NRG1: variants seen among roughly 807,000 people sequenced by gnomAD.
NRG1 encodes the protein neuregulin 1, also known as pro-neuregulin-1, membrane-bound isoform.
A neutral mutation model predicts 63.8 loss-of-function variants in NRG1; 18 were observed. The ratio of observed to expected loss-of-function variants is 0.28; its 90% CI spans 0.19 to 0.42. The LOEUF (loss-of-function observed/expected upper bound fraction) is 0.42, where lower values mean the gene tolerates loss of function less well. Among genes scored for constraint, NRG1 ranks in the 10% least tolerant of loss-of-function variants. The pLI is 1.00. For synonymous variants in NRG1, 302 were observed against 301.3 expected, an observed-to-expected ratio of 1.00 and a Z score of -0.02; for missense variants, 762 against 814.7, an observed-to-expected ratio of 0.94 and a Z score of 0.79.
At chr8:32,000,421 C>T (rs1446036006) in intron 1 of NRG1, among the ~76,000 whole-genome samples, 1 of 151,712 alleles carries the variant, frequency 6.6e-6, no homozygotes, top group African/African-American at 2.4e-5. Flanking sequence ...CATGCACCAC[C>T]ATGCCTGGCT....
chr8:32,394,646 G>A (rs1029160173), intron 1 of NRG1, among the ~76,000 whole-genome samples: 2 of 152,054 alleles, frequency 1.3e-5, no homozygotes, highest in Non-Finnish European at 2.9e-5. Flanking sequence ...CCCTTACCTC[G>A]TGGTTGTTTG....
At chr8:32,551,528 A>C (rs1282665077) in intron 1 of NRG1, among the ~76,000 whole-genome samples, 1 of 152,190 alleles carries the variant, frequency 6.6e-6, no homozygotes, top group Non-Finnish European at 1.5e-5. Flanking sequence ...GGAAATTTTC[A>C]GGGGGAAAAG....
chr8:31,725,415 G>A (rs1248869302), intron 1 of NRG1, among the ~76,000 whole-genome samples: 1 of 151,986 alleles, frequency 6.6e-6, no homozygotes, highest in African/African-American at 2.4e-5. Context: ...TCAGGTAGTG[G>A]AAGGAGGATA....
chr8:31,776,873 AT>A lies in NRG1; in HGVS notation c.37+137448del, dbSNP rs1402007327. 2.0e-5 allele frequency among the ~76,000 whole-genome samples: 3 copies of A among 152,214 alleles called. No homozygotes were observed. The East Asian group carries it at 5.8e-4, about 29-fold the overall frequency. ...TCCCTACAAAGGACATGAACTCATCATTTTTTATGGCTGCATAGTAACAGCA... is the reference window on the plus strand; with the variant it reads ...TCCCTACAAAGGACATGAACTCATCATTTTTATGGCTGCATAGTAACAGCA... On this transcript the variant is annotated intron_variant, in intron 1 of 10. Transcript: ENST00000519301.
intron 1 of NRG1, among the ~76,000 whole-genome samples, chr8:32,291,102 A>G (rs1339075745): frequency 6.6e-6 from 1 of 152,234 alleles, no homozygotes; most frequent in Non-Finnish European, 1.5e-5. Context: ...TTTGAATACA[A>G]TCAGGAAGGA....
intron 1 of NRG1, among the ~76,000 whole-genome samples, chr8:32,391,349 G>A (rs1811746157): frequency 6.6e-6 from 1 of 151,910 alleles, no homozygotes. Context: ...GCCCAGTCTG[G>A]AATATATATA....
intron 1 of NRG1, among the ~76,000 whole-genome samples, chr8:32,016,869 G>A (rs1301014575): frequency 6.6e-6 from 1 of 152,164 alleles, no homozygotes; most frequent in Non-Finnish European, 1.5e-5. Context: ...GCTGTTGTGT[G>A]AGCACAGCCT....
At chr8:32,723,010 G>A (rs1053198511) in intron 5 of NRG1, among the ~76,000 whole-genome samples, 19 of 152,130 alleles carry the variant, frequency 1.2e-4, no homozygotes, top group African/African-American at 4.1e-4. Context: ...GGTTATATAT[G>A]TAACATTTCA....
chr8:32,354,228 G>A lies in NRG1; in HGVS notation c.38-241600G>A, dbSNP rs561471297. Among the ~76,000 whole-genome samples, 5 of 152,218 alleles carry A rather than the reference G, an allele frequency of 3.3e-5. No homozygotes were observed. The South Asian group carries it at 8.3e-4, about 25-fold the overall frequency. ...TACTAAAAATACAAAAATTAGCCAG[G>A]CGTGGTGATGAGTGCCTGTAATCCC... On this transcript the variant is annotated intron_variant, in intron 1 of 10. Transcript: ENST00000519301.
At chr8:31,727,994 G>A (rs1474526931) in intron 1 of NRG1, among the ~76,000 whole-genome samples, 4 of 152,132 alleles carry the variant, frequency 2.6e-5, no homozygotes, top group East Asian at 1.9e-4. Flanking sequence ...TTCACGTCCC[G>A]GGTAGGAGGG....
chr8:32,444,611 C>T (rs1229139015), intron 1 of NRG1, among the ~76,000 whole-genome samples: 1 of 152,186 alleles, frequency 6.6e-6, no homozygotes, highest in Non-Finnish European at 1.5e-5. Context: ...AGGACTCAGG[C>T]ATTTCCCAAA....
At chr8:32,261,358 AGTGTGTGT>A (rs3055547) in intron 1 of NRG1, among the ~76,000 whole-genome samples, 6 of 148,262 alleles carry the variant, frequency 4.0e-5, no homozygotes, top group African/African-American at 1.5e-4. Context: ...TGCTCCTATT[AGTGTGTGT>A]GTGTGTGTGT....
Position 32,316,635 on chromosome 8 carries a change from A to G in NRG1, c.38-279193A>G, listed in dbSNP as rs1857428268. ...TTTCATACAGGTTATTGTTTATAAG[A>G]GCAATGTGATGAAAGCTTCCTCTGC... is the stretch of plus-strand genomic sequence containing the variant. On this transcript the variant is annotated intron_variant, in intron 1 of 10. Transcript: ENST00000519301. Among the ~76,000 whole-genome samples the G allele has an allele frequency of 2.6e-5, 4 of 152,176 alleles. No homozygotes were observed. In the South Asian group the frequency reaches 8.3e-4, roughly 32 times the overall value.
chr8:32,444,920 T>C (rs1255531793), intron 1 of NRG1, among the ~76,000 whole-genome samples: 1 of 152,200 alleles, frequency 6.6e-6, no homozygotes, highest in Non-Finnish European at 1.5e-5. Context: ...GTGATTGATT[T>C]TTCTGCAGAG....
chr8:32,039,007 C>T (rs377127020), intron 1 of NRG1, among the ~76,000 whole-genome samples: 85 of 152,172 alleles, frequency 5.6e-4, no homozygotes, highest in African/African-American at 1.8e-3. Context: ...GAACACTGAC[C>T]GGACAAGTAA....
chr8:31,657,247 T>C (rs557744496), intron 1 of NRG1, among the ~76,000 whole-genome samples: 1 of 152,342 alleles, frequency 6.6e-6, no homozygotes, highest in African/African-American at 2.4e-5. Context: ...TAATACAGTG[T>C]AAATAAGCTA....
At chr8:32,412,628 T>A (rs1272949709) in intron 1 of NRG1, among the ~76,000 whole-genome samples, 1 of 151,724 alleles carries the variant, frequency 6.6e-6, no homozygotes, top group East Asian at 1.9e-4. Flanking sequence ...CAAACCTGGA[T>A]GGTTTGCTGC....
chr8:31,800,739 GA>G (rs576024242), intron 1 of NRG1, among the ~76,000 whole-genome samples: 6 of 150,530 alleles, frequency 4.0e-5, no homozygotes, highest in East Asian at 3.9e-4. Flanking sequence ...GAAAAATGAG[GA>G]AAAAAATAGA....
At chr8:32,077,374 C>A (rs981939165) in intron 1 of NRG1, among the ~76,000 whole-genome samples, 3 of 151,836 alleles carry the variant, frequency 2.0e-5, no homozygotes, top group African/African-American at 4.8e-5. Context: ...CCCCTCCCCC[C>A]CAAAAAATTG....
Sources: gnomAD v4.1 joint callset for allele counts (sites outside exome capture counted in the v4.1 genomes callset) on GRCh38, gnomAD v4.1.1 for gene constraint, MANE v1.5 for transcripts, NCBI Gene and HGNC (gene_info 2026-07-23, HGNC 2026-07-21) for gene names.